TMEM178B: variants seen among roughly 807,000 people sequenced by gnomAD.
TMEM178B encodes transmembrane protein 178B.
A neutral mutation model predicts 31.0 loss-of-function variants in TMEM178B; 5 were observed. The observed-to-expected ratio is 0.16, with a 90% CI of 0.08 to 0.34. The LOEUF is 0.34. Ranked by LOEUF, TMEM178B falls within the 10% of genes least tolerant of loss-of-function variation. The pLI, the probability that TMEM178B is intolerant of heterozygous loss-of-function variation, is 1.00. For missense variants in TMEM178B, 275 were observed against 400.3 expected (o/e 0.69, Z 2.67); for synonymous variants, 164 against 164.0 (o/e 1.00, Z 0.00).
chr7:141,504,792 G>A, the TMEM178B span, among the ~76,000 whole-genome samples: 1 of 152,196 alleles, frequency 6.6e-6, no homozygotes, highest in African/African-American at 2.4e-5. Context: ...CCCATCACCT[G>A]GGTAGTGTAT....
intron 2 of TMEM178B, among the ~76,000 whole-genome samples, chr7:141,247,610 C>T (rs1323725027): frequency 1.3e-5 from 2 of 151,986 alleles, no homozygotes; most frequent in Non-Finnish European, 2.9e-5. Context: ...AGGATGGAGC[C>T]ATGCTTTGTC....
intron 2 of TMEM178B, among the ~76,000 whole-genome samples, chr7:141,340,290 C>T (rs1799494136): frequency 6.6e-6 from 1 of 152,204 alleles, no homozygotes; most frequent in African/African-American, 2.4e-5. Flanking sequence ...GACTTCTGAC[C>T]TACAGAACTG....
intron 2 of TMEM178B, among the ~76,000 whole-genome samples, chr7:141,353,102 C>A (rs886616342): frequency 3.3e-5 from 5 of 152,162 alleles, no homozygotes; most frequent in Admixed American, 3.3e-4. Context: ...TCCACCACCA[C>A]CTTGGTTCAG....
At chr7:141,392,691 C>A (rs1270140408) in intron 2 of TMEM178B, among the ~76,000 whole-genome samples, 1 of 152,046 alleles carries the variant, frequency 6.6e-6, no homozygotes, top group African/African-American at 2.4e-5. Flanking sequence ...CCAAGGATCG[C>A]ACATGGCAGG....
chr7:141,182,071 T>C (rs538563909), intron 1 of TMEM178B, among the ~76,000 whole-genome samples: 2 of 152,226 alleles, frequency 1.3e-5, no homozygotes, highest in Admixed American at 1.3e-4. Context: ...CCCTTTCCTA[T>C]TGGCTTACTT....
intron 2 of TMEM178B, among the ~76,000 whole-genome samples, chr7:141,254,311 G>A (rs947485744): frequency 2.0e-5 from 3 of 152,184 alleles, no homozygotes; most frequent in Non-Finnish European, 2.9e-5. Context: ...GGGGCAGCTC[G>A]TTTGCTGAGA....
chr7:141,213,549 T>A (rs143538623), intron 2 of TMEM178B, among the ~76,000 whole-genome samples: 2 of 152,250 alleles, frequency 1.3e-5, no homozygotes, highest in Non-Finnish European at 2.9e-5. Flanking sequence ...AGGTTAAGAT[T>A]CTGTTTTCAT....
intron 2 of TMEM178B, among the ~76,000 whole-genome samples, chr7:141,326,823 T>A (rs997657803): frequency 2.0e-5 from 3 of 152,226 alleles, no homozygotes; most frequent in African/African-American, 7.2e-5. Flanking sequence ...TCTGCAACAA[T>A]GCAAATCTTC....
chr7:141,402,818 A>G (rs1404607512), intron 2 of TMEM178B, among the ~76,000 whole-genome samples: 1 of 152,248 alleles, frequency 6.6e-6, no homozygotes, highest in East Asian at 1.9e-4. Flanking sequence ...GCTGACAGCA[A>G]CTGCAAATCT....
intron 1 of TMEM178B, among the ~76,000 whole-genome samples, chr7:141,198,805 C>T (rs1325815823): frequency 6.6e-6 from 1 of 152,224 alleles, no homozygotes; most frequent in Non-Finnish European, 1.5e-5. Context: ...TGATTCTTCC[C>T]CTGGCTGAAA....
At chr7:141,349,187 T>A (rs1034636238) in intron 2 of TMEM178B, among the ~76,000 whole-genome samples, 2 of 152,356 alleles carry the variant, frequency 1.3e-5, no homozygotes, top group Admixed American at 1.3e-4. Context: ...AAGTATTCTA[T>A]TTCTGATTTA....
the TMEM178B span, among the ~76,000 whole-genome samples, chr7:141,503,410 C>A: frequency 6.6e-6 from 1 of 152,232 alleles, no homozygotes; most frequent in African/African-American, 2.4e-5. Context: ...GCCACTAGTT[C>A]TCTCCTATAA....
At chr7:141,411,314 G>A (rs967386059) in intron 2 of TMEM178B, among the ~76,000 whole-genome samples, 4 of 152,156 alleles carry the variant, frequency 2.6e-5, no homozygotes, top group East Asian at 1.9e-4. Context: ...ATTTTAGTTC[G>A]GGAAGATGAA....
the TMEM178B span, among the ~76,000 whole-genome samples, chr7:141,500,982 T>C: frequency 6.6e-6 from 1 of 152,204 alleles, no homozygotes; most frequent in Non-Finnish European, 1.5e-5. Context: ...CTCAGCAAGA[T>C]AAATATATAT....
chr7:141,213,875 A>T (rs769000558), intron 2 of TMEM178B, among the ~76,000 whole-genome samples: 49 of 152,220 alleles, frequency 3.2e-4, no homozygotes, highest in Non-Finnish European at 6.2e-4. Context: ...GCCTGAAATG[A>T]TAGAGCAGGT....
rs540775135 is a variant in TMEM178B, at chr7:141,276,651, G to C, written c.496+63947G>C. Among the ~76,000 whole-genome samples, 27 of 152,224 alleles carry C rather than the reference G, an allele frequency of 1.8e-4. 1 individual carries two copies. In the South Asian group the frequency reaches 3.7e-3, roughly 21 times the overall value. On this transcript the variant is annotated intron_variant, in intron 2 of 3. Transcript: ENST00000565468. ...CCAGGTCCCTCCCATGACACGTGGG[G>C]ATCATGGGAACTACAATTCAAGATG...
intron 2 of TMEM178B, among the ~76,000 whole-genome samples, chr7:141,436,753 G>A (rs1315461961): frequency 6.6e-6 from 1 of 152,070 alleles, no homozygotes; most frequent in East Asian, 1.9e-4. Context: ...GATGCTGAGT[G>A]GCCAACTGAG....
rs151013665 is a variant in TMEM178B at position 141,356,844 on chromosome 7, T to G, written c.497-80764T>G. Among the ~76,000 whole-genome samples the G allele has an allele frequency of 5.2e-3, 792 of 152,202 alleles. 7 individuals carry two copies. The highest frequency in any genetic ancestry group is 0.018 in the African/African-American group (764 of 41,520). On this transcript the variant is annotated intron_variant, in intron 2 of 3. Coordinates refer to ENST00000565468, the MANE Select transcript of TMEM178B (RefSeq NM_001195278.2). ...TACCATCCCTCCTTCCAACATATTC[T>G]CTGGATCCTGCAGTCACTCTCTACC...
At chr7:141,254,350 A>C (rs1797888221) in intron 2 of TMEM178B, among the ~76,000 whole-genome samples, 1 of 152,170 alleles carries the variant, frequency 6.6e-6, no homozygotes, top group Non-Finnish European at 1.5e-5. Flanking sequence ...GGTGCTACTC[A>C]GGGTTCCCAG....
Sources: allele counts gnomAD v4.1 joint callset (sites outside exome capture counted in the v4.1 genomes callset), GRCh38; gene constraint gnomAD v4.1.1; transcripts MANE v1.5; gene names NCBI Gene and HGNC (gene_info 2026-07-23, HGNC 2026-07-21).